The following CYYR1 variants were observed in gnomAD, a reference collection of about 807,000 sequenced individuals.
CYYR1 encodes cysteine and tyrosine-rich protein 1.
In CYYR1, 14 loss-of-function variants were observed where a neutral mutation model predicts 15.2. The observed-to-expected ratio is 0.92, with a 90% CI of 0.61 to 1.44. The LOEUF is 1.44. Ranked by LOEUF, CYYR1 falls within the 40% of genes most tolerant of loss-of-function variation. The pLI is 0.00. For missense variants in CYYR1, 228 were observed against 209.5 expected (o/e 1.09, Z -0.54); for synonymous variants, 80 against 77.4 (o/e 1.03, Z -0.18).
At chr21:26,471,568 C>T (rs573479872) in intron 3 of CYYR1, 18 of 152,200 alleles carry the variant, frequency 1.2e-4, no homozygotes, top group Middle Eastern at 3.4e-3. Context: ...TTGAGGACTA[C>T]GCATCAAGAT....
chr21:26,481,227 A>G (rs1005270309), intron 2 of CYYR1, among the ~76,000 whole-genome samples: 12 of 152,152 alleles, frequency 7.9e-5, no homozygotes, highest in South Asian at 6.2e-4. Context: ...TTGACCAAGA[A>G]GCATCATTTT....
intron 2 of CYYR1, among the ~76,000 whole-genome samples, chr21:26,521,901 C>T (rs2065807874): frequency 6.6e-6 from 1 of 152,122 alleles, no homozygotes; most frequent in African/African-American, 2.4e-5. Context: ...GTTTTGGAGC[C>T]GTACTGTCTC....
At chr21:26,486,121 A>G (rs190489150) in intron 2 of CYYR1, among the ~76,000 whole-genome samples, 1 of 152,120 alleles carries the variant, frequency 6.6e-6, no homozygotes, top group East Asian at 1.9e-4. Flanking sequence ...CCCATATTCT[A>G]ATTGGATTGC....
chr21:26,559,106 T>C (rs1980013058), intron 2 of CYYR1, among the ~76,000 whole-genome samples: 1 of 152,188 alleles, frequency 6.6e-6, no homozygotes, highest in Non-Finnish European at 1.5e-5. Flanking sequence ...AGCCCTTTTA[T>C]CTTTGCCCAC....
At chr21:26,515,454 C>G (rs1005546168) in intron 2 of CYYR1, among the ~76,000 whole-genome samples, 1 of 151,966 alleles carries the variant, frequency 6.6e-6, no homozygotes, top group Non-Finnish European at 1.5e-5. Context: ...CAACCACTGG[C>G]GTTCAAGTGA....
chr21:26,469,680 G>A (rs1447065170), intron 3 of CYYR1, among the ~76,000 whole-genome samples: 2 of 151,916 alleles, frequency 1.3e-5, no homozygotes, highest in Non-Finnish European at 2.9e-5. Context: ...TATTATTGTT[G>A]ACTATAGTCA....
At chr21:26,553,279 G>A (rs1979524595) in intron 2 of CYYR1, among the ~76,000 whole-genome samples, 1 of 151,770 alleles carries the variant, frequency 6.6e-6, no homozygotes, top group Non-Finnish European at 1.5e-5. Flanking sequence ...TTTTTCTTTA[G>A]CTTTTAACCA....
intron 1 of CYYR1, among the ~76,000 whole-genome samples, chr21:26,570,925 T>C (rs939112265): frequency 7.9e-5 from 12 of 152,206 alleles, no homozygotes; most frequent in African/African-American, 2.7e-4. Flanking sequence ...AAAGGTCTAG[T>C]TCCTTCAAGT....
At position 26,569,417 on chromosome 21, in the gene CYYR1, A is replaced by G. The variant is rs1980866441; in HGVS notation, c.74-3049T>C. ...ACTCACGGACATAAAGATGGCAACA[A>G]CAGATGCTGGGGACTTCTAGAGCAG... On this transcript the variant is annotated intron_variant, in intron 1 of 3. Transcript: ENST00000652641. Among the ~76,000 whole-genome samples, 3 of 152,194 alleles carry G rather than the reference A, an allele frequency of 2.0e-5. No individual in the cohort carries two copies. The South Asian group carries it at 6.2e-4, about 32-fold the overall frequency.
intron 2 of CYYR1, among the ~76,000 whole-genome samples, chr21:26,495,677 A>AG (rs1332752577): frequency 6.6e-6 from 1 of 152,220 alleles, no homozygotes; most frequent in Non-Finnish European, 1.5e-5. Flanking sequence ...GTGACTTGAG[A>AG]GAGAGCCACA....
At position 26,538,729 on chromosome 21, in the gene CYYR1, T is replaced by C. The variant is rs528427465; in HGVS notation, c.176+27537A>G. On this transcript the variant is annotated intron_variant, in intron 2 of 3. Transcript: ENST00000652641. Reference sequence around the variant, plus strand: ...TCTCACTGTAGGTTTGCTACTGTGGTATCATATTTTTAATTGGGGAAATAT... The same window carrying C: ...TCTCACTGTAGGTTTGCTACTGTGGCATCATATTTTTAATTGGGGAAATAT... Among the ~76,000 whole-genome samples the C allele has an allele frequency of 1.0e-3, 159 of 152,266 alleles. 1 individual carries two copies. Among genetic ancestry groups the C allele is most frequent in the African/African-American group, 3.6e-3 (150 of 41,570 alleles).
intron 3 of CYYR1, among the ~76,000 whole-genome samples, 197 bp from the exon 4 acceptor site, chr21:26,468,831 A>G (rs967447348): frequency 6.6e-6 from 1 of 152,136 alleles, no homozygotes; most frequent in Non-Finnish European, 1.5e-5. Context: ...AAGTGTTAAG[A>G]ACTGGTTGTT....
intron 2 of CYYR1, among the ~76,000 whole-genome samples, chr21:26,537,285 G>GGGA (rs768610102): frequency 1.3e-5 from 2 of 152,132 alleles, no homozygotes; most frequent in Non-Finnish European, 2.9e-5. Context: ...CAGACCTTAA[G>GGGA]GGATACAAGT....
rs576000943 is a variant in CYYR1 at position 26,550,340 on chromosome 21, C to T, written c.176+15926G>A. The T allele has an allele frequency of 4.6e-5, 7 of 152,192 alleles. No individual in the cohort carries two copies. The South Asian group carries it at 1.2e-3, about 27-fold the overall frequency. The allele number at this position is 152,192 out of a possible 1,614,324, so 9.4% of individuals were successfully genotyped here. ...TCAGGCCTCCCTCCTCCCTGAAACA[C>T]AAAAACATTGAAATTAGGCCAATTA... On this transcript the variant is annotated intron_variant, in intron 2 of 3. Transcript: ENST00000652641.
At chr21:26,541,826 T>C (rs1601810702) in intron 2 of CYYR1, among the ~76,000 whole-genome samples, 1 of 152,204 alleles carries the variant, frequency 6.6e-6, no homozygotes, top group African/African-American at 2.4e-5. Flanking sequence ...TAACTTTCAA[T>C]AGAAAAATTA....
intron 1 of CYYR1, 102 bp downstream of exon 1, chr21:26,572,766 T>C (rs1201231595): frequency 1.4e-6 from 2 of 1,413,214 alleles, no homozygotes; most frequent in East Asian, 2.5e-5. Flanking sequence ...AAGGTCCTTC[T>C]GCAAAGGTCC....
intron 2 of CYYR1, among the ~76,000 whole-genome samples, chr21:26,498,940 A>G (rs961668851): frequency 2.0e-5 from 3 of 152,146 alleles, no homozygotes; most frequent in Admixed American, 6.6e-5. Context: ...CCCTCCCACA[A>G]CACATGGGGA....
At chr21:26,538,872 T>C (rs1198677307) in intron 2 of CYYR1, among the ~76,000 whole-genome samples, 2 of 152,226 alleles carry the variant, frequency 1.3e-5, no homozygotes, top group Non-Finnish European at 2.9e-5. Flanking sequence ...TATATCACAA[T>C]CTGGTTCTCA....
chr21:26,512,499 C>A (rs946551113), intron 2 of CYYR1, among the ~76,000 whole-genome samples: 1 of 152,100 alleles, frequency 6.6e-6, no homozygotes, highest in Non-Finnish European at 1.5e-5. Flanking sequence ...CCGCGCCCGG[C>A]CCACAGAGTC....
Sources: allele counts gnomAD v4.1 joint callset (sites outside exome capture counted in the v4.1 genomes callset), GRCh38; gene constraint gnomAD v4.1.1; transcripts MANE v1.5; gene names NCBI Gene and HGNC (gene_info 2026-07-23, HGNC 2026-07-21).